Variants in PAXBP1 observed in about 807,000 individuals in gnomAD.
PAXBP1 encodes PAX3- and PAX7-binding protein 1.
In PAXBP1, 44 loss-of-function variants were observed where a neutral mutation model predicts 119.9. The ratio of observed to expected loss-of-function variants is 0.37; its 90% CI spans 0.29 to 0.47. The LOEUF is 0.47. PAXBP1 is among the 20% of genes least tolerant of loss of function. PAXBP1 has a pLI of 0.99. For missense variants in PAXBP1, 898 were observed against 1,134.1 expected, an observed-to-expected ratio of 0.79 and a Z score of 2.99; for synonymous variants, 393 against 406.6, an observed-to-expected ratio of 0.97 and a Z score of 0.40.
At chr21:32,762,021 T>G (rs577837210) in intron 4 of PAXBP1, 75 bp downstream of exon 4, 1 of 1,487,556 alleles carries the variant, frequency 6.7e-7, no homozygotes, top group Non-Finnish European at 9.3e-7. Flanking sequence ...GCCTAAGTGA[T>G]GGAATGACAC....
rs747018810 is a variant in PAXBP1, at chr21:32,744,898, A to G, written c.2084T>C (p.Met695Thr). ...LPKLTVIAENMWDPFSTTQTS... is the reference protein window; with the variant it reads ...LPKLTVIAENTWDPFSTTQTS... The stretch of plus-strand genomic sequence containing the variant: ...CTGTGTTGTAGAAAAAGGGTCCCAC[A>G]TATTTTCAGCTATCACTATTAAGAA... Residue 695 changes from methionine to threonine, a missense_variant, in exon 13 of 18, where the codon ATG becomes ACG. Met to Thr is a moderately conservative substitution (Grantham distance 81). This residue lies in a region of PAXBP1 where 599 missense variants were observed against 852.7 expected (regional missense o/e 0.70). Coordinates refer to ENST00000331923, the MANE Select transcript of PAXBP1 (RefSeq NM_016631.4). 2 of 1,598,810 alleles carry G rather than the reference A, an allele frequency of 1.3e-6. No individual in the cohort carries two copies. Among genetic ancestry groups the G allele is most frequent in the Non-Finnish European group, 1.7e-6 (2 of 1,175,572 alleles).
At chr21:32,741,453 C>T (rs1412063706) in intron 15 of PAXBP1, 2 of 668,582 alleles carry the variant, frequency 3.0e-6, no homozygotes, top group African/African-American at 1.8e-5. Context: ...TTAGGTTTAA[C>T]GAAATATGTA....
intron 8 of PAXBP1, 99 bp downstream of exon 8, chr21:32,755,131 A>T: frequency 8.3e-7 from 1 of 1,210,846 alleles, no homozygotes; most frequent in Non-Finnish European, 1.1e-6. Context: ...TTTCTTTAAA[A>T]AAAAAAAAAA....
intron 7 of PAXBP1, chr21:32,756,003 A>C (rs2044037315): frequency 4.6e-6 from 1 of 215,256 alleles, no homozygotes; most frequent in African/African-American, 2.4e-5. Context: ...TCTCAAATTT[A>C]AAAAGTTGTT....
chr21:32,765,416 T>A (rs1322445965), intron 2 of PAXBP1, among the ~76,000 whole-genome samples: 4 of 152,174 alleles, frequency 2.6e-5, no homozygotes, highest in Non-Finnish European at 5.9e-5. Context: ...TAATACAGCC[T>A]CTGTCCCAGG....
intron 10 of PAXBP1, 126 bp from the exon 11 acceptor site, chr21:32,748,824 A>G (rs2043915079): frequency 1.4e-6 from 1 of 722,958 alleles, no homozygotes; most frequent in Non-Finnish European, 2.2e-6. Flanking sequence ...CAAAGGGCCA[A>G]TTGTTAGTCA....
At chr21:32,753,413 G>T (rs1354388624) in intron 8 of PAXBP1, among the ~76,000 whole-genome samples, 1 of 123,934 alleles carries the variant, frequency 8.1e-6, no homozygotes, top group Non-Finnish European at 1.6e-5. Context: ...GCAACAAAGC[G>T]AGACTCCGTC....
At position 32,771,383 on chromosome 21, in the gene PAXBP1, G is replaced by C. The variant is rs749268249; in HGVS notation, c.286C>G (p.Arg96Gly). ...GCCCGGGGCACCTCTTTGTTCTCGC[G>C]AGGCCTCTTGCGCGGCTTCAGCCCG... ...GNGLKPRKRP[R>G]ENKEVPRASL... Residue 96 changes from arginine to glycine, a missense_variant, in exon 1 of 18, where the codon CGC becomes GGC. Transcript: ENST00000331923. 2 of 1,581,022 alleles carry C rather than the reference G, an allele frequency of 1.3e-6. No individual in the cohort carries two copies. The highest frequency in any genetic ancestry group is 1.1e-5 in the South Asian group (1 of 90,394).
chr21:32,737,965 G>A (rs2043717567), intron 16 of PAXBP1, among the ~76,000 whole-genome samples: 1 of 151,600 alleles, frequency 6.6e-6, no homozygotes. Context: ...GGATATAGAT[G>A]GATATATATA....
chr21:32,737,006 A>C (rs2043702146), intron 17 of PAXBP1, among the ~76,000 whole-genome samples: 2 of 152,290 alleles, frequency 1.3e-5, no homozygotes, highest in Middle Eastern at 3.4e-3. Context: ...CAGAGAAAAC[A>C]ACCGTTTACT....
chr21:32,768,614 T>C (rs2044281707), intron 2 of PAXBP1, among the ~76,000 whole-genome samples: 1 of 152,212 alleles, frequency 6.6e-6, no homozygotes, highest in Non-Finnish European at 1.5e-5. Flanking sequence ...TATTAATGGA[T>C]CAAAGCTGGC....
At chr21:32,763,317 T>G (rs919371746) in intron 3 of PAXBP1, among the ~76,000 whole-genome samples, 2 of 152,166 alleles carry the variant, frequency 1.3e-5, no homozygotes, top group African/African-American at 4.8e-5. Context: ...TGCTAGACAT[T>G]TTTTCCTAAA....
At chr21:32,771,194 C>A (rs1372454648) in intron 1 of PAXBP1, 132 bp downstream of exon 1, 9 of 872,346 alleles carry the variant, frequency 1.0e-5, no homozygotes, top group Non-Finnish European at 1.3e-5. Context: ...GGGGAAGATT[C>A]GCAGCCGGTC....
At chr21:32,751,783 G>T (rs943023868) in intron 8 of PAXBP1, 1 of 152,228 alleles carries the variant, frequency 6.6e-6, no homozygotes, top group Admixed American at 6.5e-5. Context: ...CTTCTCAAAT[G>T]CTAATCTTTC....
In PAXBP1 at chr21:32,734,562, A is replaced by T. The variant is rs1569151637; in HGVS notation, c.*388T>A. 1 of 196,888 alleles carries T rather than the reference A, an allele frequency of 5.1e-6. No homozygotes were observed. The highest frequency in any genetic ancestry group is 1.0e-5 in the Non-Finnish European group (1 of 96,904). The allele number at this position is 196,888 out of a possible 1,614,324, so 12.2% of individuals were successfully genotyped here. A position where few individuals can be genotyped will look rare whatever the true frequency, so the allele number is the denominator to read the frequency against. On this transcript the variant is annotated 3_prime_UTR_variant, in exon 18 of 18. Transcript: ENST00000331923. ...TACCGGATAATTTTCTGCTGTTAAA[A>T]GGCTTCCTCTGTGGAAAAACACCAC...
intron 15 of PAXBP1, 117 bp from the exon 16 acceptor site, chr21:32,738,436 A>G: frequency 1.3e-6 from 1 of 753,348 alleles, no homozygotes; most frequent in Non-Finnish European, 2.1e-6. Flanking sequence ...CAAAGTACTA[A>G]GAAATATTAA....
chr21:32,752,442 C>T (rs1275943889), intron 8 of PAXBP1, among the ~76,000 whole-genome samples: 1 of 152,084 alleles, frequency 6.6e-6, no homozygotes, highest in Non-Finnish European at 1.5e-5. Flanking sequence ...ACAACCCAAA[C>T]GACTGGGTGA....
chr21:32,760,890 T>TGTGCGTGCGTGC (rs202232037), intron 5 of PAXBP1, among the ~76,000 whole-genome samples, 169 bp downstream of exon 5: 24 of 147,736 alleles, frequency 1.6e-4, no homozygotes, highest in Admixed American at 2.7e-4. Flanking sequence ...CGTGTCTCTG[T>TGTGCGTGCGTGC]GTGCGTGCGT....
intron 15 of PAXBP1, among the ~76,000 whole-genome samples, chr21:32,739,938 TAAAAAAAAAAAAAAAA>T (rs756477858): frequency 6.4e-5 from 3 of 47,046 alleles, no homozygotes; most frequent in East Asian, 7.2e-4. Context: ...CTCGTCTCTT[TAAAAAAAAAAAAAAAA>T]AAAAAAAAAA....
Sources: allele counts gnomAD v4.1 joint callset (sites outside exome capture counted in the v4.1 genomes callset), GRCh38; gene constraint gnomAD v4.1.1; regional missense constraint gnomAD v4.1.1; transcripts MANE v1.5; gene names NCBI Gene and HGNC (gene_info 2026-07-23, HGNC 2026-07-21).